GPD1L: variants seen among roughly 807,000 people sequenced by gnomAD.
The protein encoded by GPD1L is glycerol-3-phosphate dehydrogenase 1-like protein.
Under a neutral mutation model 32.9 loss-of-function variants are expected in GPD1L, and 17 were observed. The observed-to-expected ratio is 0.52, with a 90% CI of 0.35 to 0.78. GPD1L has a LOEUF of 0.78. Ranked by LOEUF, GPD1L falls within the 30% of genes least tolerant of loss-of-function variation. The pLI is 0.01. For missense variants in GPD1L, 361 were observed against 447.8 expected, an observed-to-expected ratio of 0.81 and a Z score of 1.75; for synonymous variants, 187 against 165.9, an observed-to-expected ratio of 1.13 and a Z score of -0.98.
chr3:32,162,672 A>G (rs56829115), intron 7 of GPD1L, among the ~76,000 whole-genome samples: 73,936 of 147,466 alleles, frequency 0.5, 20,031 homozygotes, highest in African/African-American at 0.68. Context: ...CTTTTCAAAG[A>G]CCGTGTCACA....
chr3:32,114,641 C>T (rs1289250241), intron 1 of GPD1L, among the ~76,000 whole-genome samples: 16 of 152,328 alleles, frequency 1.1e-4, no homozygotes, highest in South Asian at 8.3e-4. Flanking sequence ...TTATTGTTTC[C>T]GGACTTGGTT....
chr3:32,139,244 A>G (rs1454771630), intron 3 of GPD1L, among the ~76,000 whole-genome samples: 1 of 152,202 alleles, frequency 6.6e-6, no homozygotes, highest in Non-Finnish European at 1.5e-5. Context: ...GCTCACAGCC[A>G]AAGTTTCAGT....
chr3:32,149,383 C>T (rs1048581206), intron 5 of GPD1L, among the ~76,000 whole-genome samples: 1 of 152,072 alleles, frequency 6.6e-6, no homozygotes, highest in African/African-American at 2.4e-5. Flanking sequence ...TACTTTTTTA[C>T]GTTAACAATC....
chr3:32,134,249 G>A (rs79506107), intron 2 of GPD1L, among the ~76,000 whole-genome samples: 5 of 152,242 alleles, frequency 3.3e-5, no homozygotes, highest in South Asian at 2.1e-4. Context: ...GTTCTGATAC[G>A]GTGTAAGAGG....
chr3:32,164,388 G>T (rs1701116639), intron 7 of GPD1L, among the ~76,000 whole-genome samples: 1 of 152,202 alleles, frequency 6.6e-6, no homozygotes, highest in Non-Finnish European at 1.5e-5. Flanking sequence ...ATGGTGCCAG[G>T]CACTGAGGAT....
intron 7 of GPD1L, among the ~76,000 whole-genome samples, chr3:32,164,857 C>G (rs187729830): frequency 1.4e-3 from 218 of 152,176 alleles, no homozygotes; most frequent in African/African-American, 5.0e-3. Flanking sequence ...TCAGGATTGC[C>G]TTTCAAGACT....
rs1237706186 is a variant in GPD1L at position 32,128,102 on chromosome 3, G to A, written c.74G>A (p.Gly25Asp). 6.2e-7 allele frequency: 1 copy of A among 1,613,000 alleles called. No individual in the cohort carries two copies. The highest frequency in any genetic ancestry group is 1.7e-5 in the Admixed American group (1 of 60,012). Residue 25 changes from glycine (G) to aspartate (D), a missense_variant, in exon 2 of 8, where the codon GGT (glycine) becomes GAT (aspartate). Transcript: ENST00000282541. Reference protein sequence around the residue: ...NWGSAVAKIIGNNVKKLQKFA... With the variant: ...NWGSAVAKIIDNNVKKLQKFA... ...GGTTCAGCTGTTGCAAAAATAATTG[G>A]TAATAATGTCAAGAAACTTCAGAAA... is the stretch of plus-strand genomic sequence containing the variant.
chr3:32,144,062 T>C (rs1559578280), intron 4 of GPD1L, among the ~76,000 whole-genome samples: 1 of 152,178 alleles, frequency 6.6e-6, no homozygotes, highest in East Asian at 1.9e-4. Context: ...TGGAAGACAA[T>C]GCAGAGGTGA....
At chr3:32,150,643 C>T (rs1700906330) in intron 5 of GPD1L, among the ~76,000 whole-genome samples, 1 of 152,098 alleles carries the variant, frequency 6.6e-6, no homozygotes, top group Admixed American at 6.5e-5. Flanking sequence ...CATTCCACCA[C>T]ACCCAGTTAA....
intron 1 of GPD1L, among the ~76,000 whole-genome samples, chr3:32,123,839 T>TAGATAGACAGACAGAC (rs58722314): frequency 2.2e-5 from 3 of 134,488 alleles, no homozygotes; most frequent in Admixed American, 7.7e-5. Flanking sequence ...GATAGATAGA[T>TAGATAGACAGACAGAC]AGACAGACAG....
chr3:32,135,089 T>A (rs1700645101), intron 2 of GPD1L, among the ~76,000 whole-genome samples: 1 of 152,188 alleles, frequency 6.6e-6, no homozygotes, highest in Non-Finnish European at 1.5e-5. Context: ...AAACCTATAT[T>A]TTTTCTCTTT....
intron 1 of GPD1L, among the ~76,000 whole-genome samples, chr3:32,107,165 G>T (rs1379402723): frequency 6.6e-6 from 1 of 152,192 alleles, no homozygotes; most frequent in African/African-American, 2.4e-5. Flanking sequence ...TGCAGTTTCG[G>T]TGTTGAGGAA....
Position 32,166,987 on chromosome 3 carries a change from G to GT in GPD1L, c.*1078dup, listed in dbSNP as rs1028036324. On this transcript the variant is annotated 3_prime_UTR_variant, in exon 8 of 8. Coordinates refer to ENST00000282541, the MANE Select transcript of GPD1L (RefSeq NM_015141.4). ...CGGTGCAGCAGCATCAGCTTCACTT[G>GT]TGGGGGGGTGGGGGAAGGGGCGGTC... 1.3e-5 allele frequency: 2 copies of GT among 152,090 alleles called. No homozygotes were observed. The highest frequency in any genetic ancestry group is 1.9e-4 in the East Asian group (1 of 5,178). 9.4% of individuals were successfully genotyped at this position (152,090 alleles called of 1,614,324 possible).
intron 1 of GPD1L, among the ~76,000 whole-genome samples, chr3:32,115,869 A>G (rs1575107283): frequency 7.2e-6 from 1 of 138,728 alleles, no homozygotes; most frequent in Non-Finnish European, 1.5e-5. Context: ...GCTCACTGCA[A>G]CCTCCACCTC....
rs540995361 is a variant in GPD1L at position 32,131,926 on chromosome 3, G to A, written c.225+3673G>A. On this transcript the variant is annotated intron_variant, in intron 2 of 7. Coordinates refer to ENST00000282541, the MANE Select transcript of GPD1L (RefSeq NM_015141.4). ...TGTTATCTGACTTTTTAATCCTAGC[G>A]AGTATCTCATTCATGGTTTTGATTT... Among the ~76,000 whole-genome samples, 7 of 152,220 alleles carry A rather than the reference G, an allele frequency of 4.6e-5. No individual in the cohort carries two copies. In the East Asian group the frequency reaches 1.4e-3, roughly 29 times the overall value.
chr3:32,164,241 A>G (rs1701114338), intron 7 of GPD1L, among the ~76,000 whole-genome samples: 1 of 152,240 alleles, frequency 6.6e-6, no homozygotes, highest in Admixed American at 6.5e-5. Flanking sequence ...TTGGGGACAT[A>G]TACATTGTTC....
intron 1 of GPD1L, among the ~76,000 whole-genome samples, chr3:32,110,013 G>T (rs1463943691): frequency 6.6e-6 from 1 of 152,260 alleles, no homozygotes; most frequent in Non-Finnish European, 1.5e-5. Context: ...CGCCTCGCGG[G>T]TTCACGCCAT....
In GPD1L at chr3:32,167,853, C is replaced by T. The variant is rs917551734; in HGVS notation, c.*1943C>T. 6.6e-6 allele frequency: 1 copy of T among 152,166 alleles called. No individual in the cohort carries two copies. The highest frequency in any genetic ancestry group is 2.4e-5 in the African/African-American group (1 of 41,434). 9.4% of individuals were successfully genotyped at this position (152,166 alleles called of 1,614,324 possible). On this transcript the variant is annotated 3_prime_UTR_variant, in exon 8 of 8. Coordinates refer to ENST00000282541, the MANE Select transcript of GPD1L (RefSeq NM_015141.4). ...TTGGAGCATTTTAAAGCCCCATACA[C>T]AGAAGTATACGAAAGCACACAAAAC...
In GPD1L at chr3:32,168,683, G is replaced by A. The variant is rs1189442107; in HGVS notation, c.*2773G>A. 2 of 152,646 alleles carry A rather than the reference G, an allele frequency of 1.3e-5. No individual in the cohort carries two copies. Among genetic ancestry groups the A allele is most frequent in the Admixed American group, 6.5e-5 (1 of 15,276 alleles). The allele number at this position is 152,646 out of a possible 1,614,324, so 9.5% of individuals were successfully genotyped here. ...AGGTGGATATATAATTTAAAAGCTT[G>A]ATTTAATAAACATTTAACCCCCTAA... On this transcript the variant is annotated 3_prime_UTR_variant, in exon 8 of 8. Transcript: ENST00000282541.
Sources: gnomAD v4.1 joint callset for allele counts (sites outside exome capture counted in the v4.1 genomes callset) on GRCh38, gnomAD v4.1.1 for gene constraint, MANE v1.5 for transcripts, NCBI Gene and HGNC (gene_info 2026-07-23, HGNC 2026-07-21) for gene names.